Variants in PTK2B observed in about 807,000 individuals in gnomAD.
PTK2B encodes the protein protein tyrosine kinase 2 beta.
A neutral mutation model predicts 142.9 loss-of-function variants in PTK2B; 71 were observed. The observed-to-expected ratio is 0.50, with a 90% confidence interval of 0.41 to 0.61. PTK2B has a LOEUF of 0.61. PTK2B is among the 20% of genes least tolerant of loss of function. The pLI is 0.00. For synonymous variants in PTK2B, 519 were observed against 503.4 expected, an observed-to-expected ratio of 1.03 and a Z score of -0.42; for missense variants, 1,105 against 1,320.4, an observed-to-expected ratio of 0.84 and a Z score of 2.53.
intron 3 of PTK2B, among the ~76,000 whole-genome samples, chr8:27,315,890 G>A (rs763538212): frequency 6.6e-6 from 1 of 151,926 alleles, no homozygotes; most frequent in Non-Finnish European, 1.5e-5. Flanking sequence ...ATTGCTCCAA[G>A]TTCTGACCAA....
At chr8:27,370,517 C>T (rs1022875943) in intron 1 of PTK2B, among the ~76,000 whole-genome samples, 7 of 152,240 alleles carry the variant, frequency 4.6e-5, no homozygotes, top group African/African-American at 1.7e-4. Flanking sequence ...TCATCCTTTC[C>T]CTCTCTTGTC....
chr8:27,388,335 G>T (rs781386147), intron 1 of PTK2B, among the ~76,000 whole-genome samples: 20 of 152,256 alleles, frequency 1.3e-4, no homozygotes, highest in Non-Finnish European at 2.2e-4. Flanking sequence ...GGAGAAGTTG[G>T]AGGATAACTT....
chr8:27,310,892 T>A, upstream of PTK2B: 1 of 1,612,912 alleles, frequency 6.2e-7, no homozygotes, highest in Non-Finnish European at 8.5e-7. Context: ...CAGCTCCTTG[T>A]CCTCGAGGCA....
rs977817924 is a variant in PTK2B, at chr8:27,439,502, G to A, written c.1834+104G>A. 8.5e-5 allele frequency: 104 copies of A among 1,223,448 alleles called. 2 individuals are homozygous for A. Among genetic ancestry groups the A allele is most frequent in the African/African-American group, 5.5e-4 (37 of 67,356 alleles). The allele number at this position is 1,223,448 out of a possible 1,614,324, so 75.8% of individuals were successfully genotyped here. A position where few individuals can be genotyped will look rare whatever the true frequency, so the allele number is the denominator to read the frequency against. On this transcript the variant is annotated intron_variant, in intron 20 of 30. Transcript: ENST00000346049. ...AGCAGGGGTCTGACCTCCACCCTCC[G>A]TTCCCAGGGTTCTATTTTGCTGTGG...
chr8:27,319,157 T>C (rs1334741319), intron 3 of PTK2B, among the ~76,000 whole-genome samples: 1 of 152,164 alleles, frequency 6.6e-6, no homozygotes, highest in Non-Finnish European at 1.5e-5. Context: ...TTTCATTATG[T>C]GCAGTTTCAA....
At chr8:27,337,423 A>G (rs984385492) in intron 1 of PTK2B, among the ~76,000 whole-genome samples, 1 of 152,198 alleles carries the variant, frequency 6.6e-6, no homozygotes, top group Non-Finnish European at 1.5e-5. Flanking sequence ...GGCGTGAGCT[A>G]CTGCGCCTGG....
chr8:27,450,264 C>T (rs1328665898), intron 24 of PTK2B, among the ~76,000 whole-genome samples: 1 of 152,184 alleles, frequency 6.6e-6, no homozygotes, highest in Admixed American at 6.5e-5. Flanking sequence ...TCCAGACCTG[C>T]CACCTTGGTC....
rs547663511 is a variant in PTK2B at position 27,362,656 on chromosome 8, T to G, written c.-37-34892T>G. Reference sequence around the variant, plus strand: ...CCCCACCAAGACTTCCTTGGGGCCCTCTGGCCTTGCCAAACCCCCTTTGTA... The same window carrying G: ...CCCCACCAAGACTTCCTTGGGGCCCGCTGGCCTTGCCAAACCCCCTTTGTA... On this transcript the variant is annotated intron_variant, in intron 1 of 30. Transcript: ENST00000346049. Among the ~76,000 whole-genome samples, 311 of 130,826 alleles carry G rather than the reference T, an allele frequency of 2.4e-3. 3 individuals carry two copies. Among genetic ancestry groups the G allele is most frequent in the Non-Finnish European group, 2.7e-3 (171 of 63,720 alleles). 85.8% of individuals were successfully genotyped at this position (130,826 alleles called of 152,430 possible).
intron 20 of PTK2B, among the ~76,000 whole-genome samples, chr8:27,439,610 AG>A (rs1811028866): frequency 6.6e-6 from 1 of 152,078 alleles, no homozygotes; most frequent in Non-Finnish European, 1.5e-5. Context: ...TGGGCTGTGC[AG>A]GCTCATCTTC....
At chr8:27,376,892 C>A (rs1404288730) in intron 1 of PTK2B, among the ~76,000 whole-genome samples, 2 of 152,192 alleles carry the variant, frequency 1.3e-5, no homozygotes, top group Non-Finnish European at 2.9e-5. Context: ...TTCTCTTATT[C>A]CTTTACTTTC....
At chr8:27,404,731 C>T (rs184720940) in intron 2 of PTK2B, among the ~76,000 whole-genome samples, 41 of 152,336 alleles carry the variant, frequency 2.7e-4, no homozygotes, top group Admixed American at 6.5e-4. Flanking sequence ...CTTTCCCCTT[C>T]GCTCCTTAAA....
intron 1 of PTK2B, among the ~76,000 whole-genome samples, chr8:27,355,848 C>A (rs1324159146): frequency 6.6e-6 from 1 of 152,010 alleles, no homozygotes; most frequent in Non-Finnish European, 1.5e-5. Context: ...ATAGTGAAAC[C>A]CTGTCTCTAC....
intron 1 of PTK2B, among the ~76,000 whole-genome samples, chr8:27,383,441 T>C (rs1338713949): frequency 6.6e-6 from 1 of 152,064 alleles, no homozygotes; most frequent in Non-Finnish European, 1.5e-5. Context: ...AGACGGGGTG[T>C]CACCACGTTG....
At chr8:27,315,653 G>A (rs1161985670) in intron 3 of PTK2B, among the ~76,000 whole-genome samples, 1 of 149,896 alleles carries the variant, frequency 6.7e-6, no homozygotes, top group Non-Finnish European at 1.5e-5. Context: ...CTCATATTCT[G>A]AATGGGGCCA....
intron 1 of PTK2B, among the ~76,000 whole-genome samples, chr8:27,354,159 T>C (rs1805265022): frequency 6.6e-6 from 1 of 152,192 alleles, no homozygotes; most frequent in African/African-American, 2.4e-5. Context: ...TAATGGTGTC[T>C]GAGCTCCCAG....
At position 27,331,132 on chromosome 8, in the gene PTK2B, T is replaced by G. The variant is rs375244052; in HGVS notation, c.-38+5451T>G. Among the ~76,000 whole-genome samples the G allele has an allele frequency of 9.9e-5, 15 of 152,240 alleles. No individual in the cohort carries two copies. In the East Asian group the frequency reaches 1.7e-3, roughly 18 times the overall value. On this transcript the variant is annotated intron_variant, in intron 1 of 30. Transcript: ENST00000346049. ...CAAAGAATCCACCTCGCCCAGGGTT[T>G]AGAGCTCGGTACCAGGTTTAATTCA...
intron 5 of PTK2B, 47 bp from the exon 6 acceptor site, chr8:27,430,046 C>T: frequency 1.3e-6 from 2 of 1,564,806 alleles, no homozygotes; most frequent in South Asian, 1.1e-5. Flanking sequence ...GTCTGACTGC[C>T]TCATTCTCCA....
At chr8:27,438,552 A>G (rs1256596498) in intron 18 of PTK2B, among the ~76,000 whole-genome samples, 4 of 47,656 alleles carry the variant, frequency 8.4e-5, no homozygotes, top group Admixed American at 5.7e-4. Flanking sequence ...CTCCTGCTAT[A>G]CCAAAGACCT....
intron 18 of PTK2B, 124 bp from the exon 19 acceptor site, chr8:27,438,907 C>T: frequency 2.3e-6 from 2 of 876,926 alleles, no homozygotes; most frequent in Non-Finnish European, 3.6e-6. Context: ...CCCGATTCTG[C>T]TCTGGAGTCC....
Sources: allele counts gnomAD v4.1 joint callset (sites outside exome capture counted in the v4.1 genomes callset), GRCh38; gene constraint gnomAD v4.1.1; transcripts MANE v1.5; gene names NCBI Gene and HGNC (gene_info 2026-07-23, HGNC 2026-07-21).